CDH13: variants seen among roughly 807,000 people sequenced by gnomAD.
CDH13 encodes the protein cadherin 13.
CDH13 carries 24 observed loss-of-function variants against 63.8 expected under a neutral mutation model. The ratio of observed to expected loss-of-function variants is 0.38; its 90% CI spans 0.27 to 0.53. The LOEUF (loss-of-function observed/expected upper bound fraction) is 0.53. Ranked by LOEUF, CDH13 falls within the 20% of genes least tolerant of loss-of-function variation. The probability of loss-of-function intolerance (pLI) is 0.85; values close to 1 mark genes in which losing one functional copy is unlikely to be tolerated. For synonymous variants in CDH13, 503 were observed against 355.3 expected, an observed-to-expected ratio of 1.42 and a Z score of -4.67; for missense variants, 1,049 against 903.1, an observed-to-expected ratio of 1.16 and a Z score of -2.07.
intron 7 of CDH13, among the ~76,000 whole-genome samples, chr16:83,537,553 T>A (rs1022958083): frequency 1.3e-5 from 2 of 152,186 alleles, no homozygotes; most frequent in African/African-American, 4.8e-5. Flanking sequence ...GCTCACACTC[T>A]GGCAGATCTA....
intron 2 of CDH13, among the ~76,000 whole-genome samples, chr16:83,014,750 ATATATATATATATATATATATATATG>A (rs1286933325): frequency 1.1e-4 from 4 of 36,312 alleles, no homozygotes; most frequent in African/African-American, 3.6e-4. Flanking sequence ...AAAAATATAT[ATATATATATATATATATATATATATG>A]TATATATATA....
chr16:83,059,766 C>T (rs76087274), intron 3 of CDH13, among the ~76,000 whole-genome samples: 1,601 of 146,222 alleles, frequency 0.011, 24 homozygotes, highest in African/African-American at 0.038. Context: ...TTAATCCAGA[C>T]TTTTGCCTTT....
At chr16:82,735,645 G>T (rs1026025535) in intron 1 of CDH13, among the ~76,000 whole-genome samples, 1 of 152,206 alleles carries the variant, frequency 6.6e-6, no homozygotes, top group Non-Finnish European at 1.5e-5. Context: ...GTGTCTATGA[G>T]CTGTGTGGGG....
At position 83,067,384 on chromosome 16, in the gene CDH13, C is replaced by T. The variant is rs992513692; in HGVS notation, c.366+35166C>T. Among the ~76,000 whole-genome samples the T allele has an allele frequency of 4.6e-5, 7 of 152,230 alleles. No homozygotes were observed. In the East Asian group the frequency reaches 1.4e-3, roughly 29 times the overall value. The stretch of plus-strand genomic sequence containing the variant: ...CTATATCCCTTTGAGCCATAGTTTC[C>T]AGTTCTATAAAATGGGAACCATCCA... On this transcript the variant is annotated intron_variant, in intron 3 of 13. Transcript: ENST00000567109.
intron 2 of CDH13, among the ~76,000 whole-genome samples, chr16:82,961,464 G>T (rs2151342392): frequency 6.6e-6 from 1 of 150,660 alleles, no homozygotes; most frequent in Non-Finnish European, 1.5e-5. Flanking sequence ...CAGATGATTT[G>T]TGAAAGAGTT....
chr16:83,081,404 C>A (rs935889669), intron 3 of CDH13, among the ~76,000 whole-genome samples: 1 of 152,062 alleles, frequency 6.6e-6, no homozygotes, highest in African/African-American at 2.4e-5. Context: ...TACTGCAGGG[C>A]CATCCAACCT....
At chr16:82,860,013 A>ACTT (rs1319964727) in intron 2 of CDH13, among the ~76,000 whole-genome samples, 1 of 152,000 alleles carries the variant, frequency 6.6e-6, no homozygotes, top group African/African-American at 2.4e-5. Context: ...GCCATTAGGA[A>ACTT]CCCTCCTTTG....
chr16:82,691,888 C>A (rs543120426), intron 1 of CDH13, among the ~76,000 whole-genome samples: 2 of 152,260 alleles, frequency 1.3e-5, no homozygotes, highest in Admixed American at 1.3e-4. Flanking sequence ...TCAGGCTTTA[C>A]CGAGACCTCA....
At chr16:83,220,136 C>T (rs963419697) in intron 5 of CDH13, among the ~76,000 whole-genome samples, 28 of 152,350 alleles carry the variant, frequency 1.8e-4, no homozygotes, top group Admixed American at 1.0e-3. Context: ...CGTTTCCCTC[C>T]GTGCTTCATG....
rs1443698962 is a variant in CDH13 at position 83,306,231 on chromosome 16, G to A, written c.637-38631G>A. Reference sequence around the variant, plus strand: ...TATTCTATAAACAAGGGTAGGTACCGTATCTGTGCTATGGTTTGGAGGTGG... The same window carrying A: ...TATTCTATAAACAAGGGTAGGTACCATATCTGTGCTATGGTTTGGAGGTGG... On this transcript the variant is annotated intron_variant, in intron 5 of 13. Coordinates refer to ENST00000567109, the MANE Select transcript of CDH13 (RefSeq NM_001257.5). Among the ~76,000 whole-genome samples the A allele has an allele frequency of 4.6e-5, 7 of 152,206 alleles. No individual in the cohort carries two copies. In the South Asian group the frequency reaches 8.3e-4, roughly 18 times the overall value.
chr16:82,634,657 G>A (rs1387544983), intron 1 of CDH13, among the ~76,000 whole-genome samples: 2 of 152,168 alleles, frequency 1.3e-5, no homozygotes, highest in African/African-American at 4.8e-5. Context: ...GAGACTGTCT[G>A]GCCCCTGAAG....
chr16:82,994,008 A>G (rs141176551), intron 2 of CDH13, among the ~76,000 whole-genome samples: 31 of 152,264 alleles, frequency 2.0e-4, no homozygotes, highest in Admixed American at 4.6e-4. Flanking sequence ...CTTTTCAGGA[A>G]CGGAAATGTC....
At chr16:83,502,766 T>C (rs1390925138) in intron 7 of CDH13, among the ~76,000 whole-genome samples, 1 of 152,186 alleles carries the variant, frequency 6.6e-6, no homozygotes, top group Admixed American at 6.5e-5. Flanking sequence ...TCTTGACCAA[T>C]AGTAGCTGGT....
chr16:83,257,892 A>G (rs901588977), intron 5 of CDH13, among the ~76,000 whole-genome samples: 5 of 152,360 alleles, frequency 3.3e-5, no homozygotes, highest in Admixed American at 1.3e-4. Flanking sequence ...CCAACAATGT[A>G]TAAGCAGTCC....
intron 3 of CDH13, among the ~76,000 whole-genome samples, chr16:83,049,211 C>G (rs1040984651): frequency 5.3e-5 from 8 of 151,850 alleles, no homozygotes; most frequent in African/African-American, 1.9e-4. Context: ...CAAAAGGAAA[C>G]TGTATACCTG....
At chr16:82,745,738 T>A (rs532272507) in intron 1 of CDH13, among the ~76,000 whole-genome samples, 1 of 152,338 alleles carries the variant, frequency 6.6e-6, no homozygotes, top group East Asian at 1.9e-4. Context: ...TTTTTCATAG[T>A]GACATACACA....
chr16:83,746,846 T>C (rs1312510369), intron 10 of CDH13, among the ~76,000 whole-genome samples: 1 of 152,222 alleles, frequency 6.6e-6, no homozygotes, highest in East Asian at 1.9e-4. Flanking sequence ...TAGATAAGAC[T>C]ATTATTTCTT....
intron 1 of CDH13, among the ~76,000 whole-genome samples, chr16:82,687,646 C>T (rs921576674): frequency 4.6e-5 from 7 of 152,116 alleles, no homozygotes; most frequent in African/African-American, 1.7e-4. Context: ...ATTCAGTTAC[C>T]TCCCACCCAC....
chr16:82,690,225 G>T (rs1426909134), intron 1 of CDH13, among the ~76,000 whole-genome samples: 1 of 151,110 alleles, frequency 6.6e-6, no homozygotes, highest in Non-Finnish European at 1.5e-5. Context: ...GGGTGGGGTT[G>T]GTGGAGGGAA....
Sources: gnomAD v4.1 joint callset for allele counts (sites outside exome capture counted in the v4.1 genomes callset) on GRCh38, gnomAD v4.1.1 for gene constraint, MANE v1.5 for transcripts, NCBI Gene and HGNC (gene_info 2026-07-23, HGNC 2026-07-21) for gene names.